SLC7A14: variants seen among roughly 807,000 people sequenced by gnomAD.
SLC7A14 encodes the protein solute carrier family 7 member 14, also known as gamma-aminobutyric acid transporter SLC7A14.
Under a neutral mutation model 60.2 loss-of-function variants are expected in SLC7A14, and 37 were observed. The observed-to-expected ratio is 0.61, with a 90% CI of 0.47 to 0.81. The LOEUF (loss-of-function observed/expected upper bound fraction) is 0.81. SLC7A14 is among the 30% of genes least tolerant of loss of function. SLC7A14 has a pLI of 0.00. For missense variants in SLC7A14, 886 were observed against 982.7 expected, an observed-to-expected ratio of 0.90 and a Z score of 1.32; for synonymous variants, 399 against 395.8, an observed-to-expected ratio of 1.01 and a Z score of -0.10.
intron 1 of SLC7A14, among the ~76,000 whole-genome samples, chr3:170,557,784 AT>A (rs1714527822): frequency 6.6e-6 from 1 of 152,224 alleles, no homozygotes; most frequent in Non-Finnish European, 1.5e-5. Context: ...TGCTTAGAAA[AT>A]GCAGGGTATA....
chr3:170,535,710 G>T lies in SLC7A14; in HGVS notation c.-152-8622C>A, dbSNP rs938432950. ...CCCTTTGCCAGGTCACTGTGGGTTG[G>T]CTGTGGCTCCAGCCAGGTGGCCCTC... On this transcript the variant is annotated intron_variant, in intron 1 of 7. Coordinates refer to ENST00000231706, the MANE Select transcript of SLC7A14 (RefSeq NM_020949.3). The surrounding 1 kb of genome is among the most constrained non-coding windows in gnomAD (Gnocchi z 4.3). Among the ~76,000 whole-genome samples the T allele has an allele frequency of 6.6e-6, 1 of 152,158 alleles. No individual in the cohort carries two copies. The highest frequency in any genetic ancestry group is 6.5e-5 in the Admixed American group (1 of 15,282).
intron 1 of SLC7A14, among the ~76,000 whole-genome samples, chr3:170,549,519 A>G (rs1417626845): frequency 6.6e-6 from 1 of 152,088 alleles, no homozygotes; most frequent in Non-Finnish European, 1.5e-5. Flanking sequence ...CAGCCTTTTG[A>G]ATGGTGGGCC....
intron 6 of SLC7A14, 144 bp downstream of exon 6, chr3:170,483,170 A>G: frequency 2.1e-6 from 2 of 940,402 alleles, no homozygotes; most frequent in East Asian, 5.1e-5. Flanking sequence ...TGTTACTCAG[A>G]CTTTTCTTCA....
rs79179695 is a variant in SLC7A14 at position 170,490,749 on chromosome 3, T to C, written c.760-4381A>G. 7.1e-3 allele frequency among the ~76,000 whole-genome samples: 1,076 copies of C among 152,332 alleles called. 8 individuals are homozygous for C. The highest frequency in any genetic ancestry group is 0.017 in the South Asian group (81 of 4,828). Reference sequence around the variant, plus strand: ...CAGGTTGATTCTGCCACATATTAGCTTGGTGACCTAGAACAAGTTCTTAAC... The same window carrying C: ...CAGGTTGATTCTGCCACATATTAGCCTGGTGACCTAGAACAAGTTCTTAAC... On this transcript the variant is annotated intron_variant, in intron 4 of 7. Transcript: ENST00000231706.
chr3:170,491,512 G>A (rs1712219247), intron 4 of SLC7A14, among the ~76,000 whole-genome samples: 2 of 152,296 alleles, frequency 1.3e-5, no homozygotes, highest in South Asian at 4.2e-4. Context: ...ACTATAGGCA[G>A]GTCTGGGGAG....
At position 170,467,321 on chromosome 3, in the gene SLC7A14, G is replaced by T. The variant is rs768093351; in HGVS notation, c.2050C>A (p.Arg684=). 1.9e-6 allele frequency: 3 copies of T among 1,613,322 alleles called. No homozygotes were observed. The highest frequency in any genetic ancestry group is 1.1e-5 in the South Asian group (1 of 90,898). Residue 684 remains arginine (R), a synonymous_variant, in exon 8 of 8, where the codon CGA becomes AGA. Coordinates refer to ENST00000231706, the MANE Select transcript of SLC7A14 (RefSeq NM_020949.3). ...GTGCTTTGGTGCAGGGCCTCTTCTC[G>T]AGCGCTGATTTCCAGGGTGCTGTTC... ...IWNSTLEISA[R]EEALHQSTYQ...
intron 2 of SLC7A14, among the ~76,000 whole-genome samples, chr3:170,510,243 A>G (rs1424941515): frequency 6.6e-6 from 1 of 151,850 alleles, no homozygotes; most frequent in African/African-American, 2.4e-5. Context: ...TACAAAAATT[A>G]GCTGGGCGTG....
At chr3:170,534,210 A>G (rs1488534102) in intron 1 of SLC7A14, among the ~76,000 whole-genome samples, 1 of 152,170 alleles carries the variant, frequency 6.6e-6, no homozygotes, top group Non-Finnish European at 1.5e-5. Context: ...CTTTTCCCCA[A>G]TCTGGACTGG....
chr3:170,501,099 G>A lies in SLC7A14; in HGVS notation c.541+10C>T. ...TGCATGTTGAGGGTAGGAGGATGTG[G>A]CAGTCTCACCCAGGCCATTGAGGGT... On this transcript the variant is annotated intron_variant, in intron 3 of 7. Coordinates refer to ENST00000231706, the MANE Select transcript of SLC7A14 (RefSeq NM_020949.3). The A allele has an allele frequency of 6.2e-7, 1 of 1,613,166 alleles. No homozygotes were observed. Among genetic ancestry groups the A allele is most frequent in the South Asian group, 1.1e-5 (1 of 91,080 alleles).
At chr3:170,531,182 C>T (rs16855221) in intron 1 of SLC7A14, among the ~76,000 whole-genome samples, 1,681 of 152,212 alleles carry the variant, frequency 0.011, 32 homozygotes, top group African/African-American at 0.038. Flanking sequence ...ACAAATGCTC[C>T]GTGTGGAAAA....
chr3:170,571,477 C>G (rs1714954018), intron 1 of SLC7A14, among the ~76,000 whole-genome samples: 1 of 152,154 alleles, frequency 6.6e-6, no homozygotes, highest in Admixed American at 6.5e-5. Context: ...TTACGTGAGA[C>G]TAATTCAAGT....
Position 170,498,897 on chromosome 3 carries a change from G to A in SLC7A14, c.542-13C>T. On this transcript the variant is annotated splice_polypyrimidine_tract_variant and intron_variant, in intron 3 of 7. Coordinates refer to ENST00000231706, the MANE Select transcript of SLC7A14 (RefSeq NM_020949.3). ...TCTTCACCTTTCCCTAGAGAGGAAA[G>A]ACATGATTTGACATTGTCTGGAGGG... 4 of 1,612,836 alleles carry A rather than the reference G, an allele frequency of 2.5e-6. No individual in the cohort carries two copies. The highest frequency in any genetic ancestry group is 1.7e-4 in the Middle Eastern group (1 of 6,056).
intron 2 of SLC7A14, among the ~76,000 whole-genome samples, chr3:170,505,661 G>T (rs1042638334): frequency 1.3e-5 from 2 of 152,138 alleles, no homozygotes; most frequent in African/African-American, 4.8e-5. Context: ...CGAGGCGGGT[G>T]GATCACCTGA....
intron 2 of SLC7A14, among the ~76,000 whole-genome samples, chr3:170,515,686 GT>G (rs886940794): frequency 6.6e-6 from 1 of 152,032 alleles, no homozygotes; most frequent in African/African-American, 2.4e-5. Flanking sequence ...TCTCTTGGTT[GT>G]TTTTCATGCA....
intron 1 of SLC7A14, among the ~76,000 whole-genome samples, chr3:170,530,520 C>T (rs912000925): frequency 6.6e-6 from 1 of 152,248 alleles, no homozygotes; most frequent in Non-Finnish European, 1.5e-5. Context: ...AGAGGTCAGA[C>T]TGCCAGGGGG....
chr3:170,568,687 G>C (rs1462868543), intron 1 of SLC7A14, among the ~76,000 whole-genome samples: 1 of 152,212 alleles, frequency 6.6e-6, no homozygotes, highest in African/African-American at 2.4e-5. Context: ...TTATTTCATT[G>C]AGCAGTGGTT....
intron 1 of SLC7A14, among the ~76,000 whole-genome samples, chr3:170,576,437 G>A (rs1332791175): frequency 1.3e-5 from 2 of 152,198 alleles, no homozygotes; most frequent in Non-Finnish European, 2.9e-5. Context: ...AACCTGCTGG[G>A]AATCTTTGCC....
chr3:170,488,494 G>A (rs1014042648), intron 4 of SLC7A14, among the ~76,000 whole-genome samples: 4 of 152,176 alleles, frequency 2.6e-5, no homozygotes, highest in African/African-American at 9.7e-5. Context: ...AGGATGAACG[G>A]ATGCTAGACT....
chr3:170,576,492 T>C (rs752587452), intron 1 of SLC7A14, among the ~76,000 whole-genome samples: 15 of 152,202 alleles, frequency 9.9e-5, no homozygotes, highest in African/African-American at 1.7e-4. Flanking sequence ...TTCTGGGGGC[T>C]AATTTTAAAA....
Sources: gnomAD v4.1 joint callset for allele counts (sites outside exome capture counted in the v4.1 genomes callset) on GRCh38, gnomAD v4.1.1 for gene constraint, Gnocchi (gnomAD v3.1) non-coding constraint, MANE v1.5 for transcripts, NCBI Gene and HGNC (gene_info 2026-07-23, HGNC 2026-07-21) for gene names.